RORA: variants seen among roughly 807,000 people sequenced by gnomAD.
The protein encoded by RORA is RAR related orphan receptor A.
In RORA, 7 loss-of-function variants were observed where a neutral mutation model predicts 69.5. That is an observed-to-expected ratio of 0.10 (90% confidence interval 0.06 to 0.19). The LOEUF (loss-of-function observed/expected upper bound fraction) is 0.19, where lower values mean the gene tolerates loss of function less well. Among genes scored for constraint, RORA ranks in the 10% least tolerant of loss-of-function variants. The pLI, the probability that RORA is intolerant of heterozygous loss-of-function variation, is 1.00. For missense variants in RORA, 457 were observed against 663.0 expected (o/e 0.69, Z 3.41); for synonymous variants, 261 against 240.8 (o/e 1.08, Z -0.78).
At chr15:60,804,600 GTT>G (rs1595728064) in intron 1 of RORA, among the ~76,000 whole-genome samples, 2 of 152,160 alleles carry the variant, frequency 1.3e-5, no homozygotes, top group African/African-American at 4.8e-5. Flanking sequence ...GGCTAAGTGA[GTT>G]TGATTGCTTA....
Position 61,003,626 on chromosome 15 carries a change from G to T in RORA, c.166+225427C>A, listed in dbSNP as rs16943486. On this transcript the variant is annotated intron_variant, in intron 1 of 10. Transcript: ENST00000335670. ...CATGTGGGTTTGTGTGTCTAAGTGAGGCCTGTGAATATTTATTTAACCAAG... is the reference window on the plus strand; with the variant it reads ...CATGTGGGTTTGTGTGTCTAAGTGATGCCTGTGAATATTTATTTAACCAAG... Among the ~76,000 whole-genome samples the T allele has an allele frequency of 9.3e-3, 1,419 of 152,238 alleles. 19 individuals are homozygous for T. The highest frequency in any genetic ancestry group is 0.032 in the African/African-American group (1,322 of 41,516).
chr15:60,823,054 C>T (rs112639099), intron 1 of RORA, among the ~76,000 whole-genome samples: 206 of 144,270 alleles, frequency 1.4e-3, no homozygotes, highest in African/African-American at 5.2e-3. Flanking sequence ...TTCTCTCTCC[C>T]TCCCCTCCCC....
chr15:60,853,028 A>G (rs1190743838), intron 1 of RORA, among the ~76,000 whole-genome samples: 1 of 151,972 alleles, frequency 6.6e-6, no homozygotes, highest in Non-Finnish European at 1.5e-5. Flanking sequence ...ATTAGTAATG[A>G]CCCCCAGCTT....
rs569438613 is a variant in RORA at position 61,185,330 on chromosome 15, C to A, written c.166+43723G>T. Among the ~76,000 whole-genome samples the A allele has an allele frequency of 1.5e-3, 227 of 151,790 alleles. 3 individuals are homozygous for A. In the South Asian group the frequency reaches 0.045, roughly 30 times the overall value. On this transcript the variant is annotated intron_variant, in intron 1 of 10. Coordinates refer to ENST00000335670, the MANE Select transcript of RORA (RefSeq NM_134261.3). ...CCCATCTTTTTTTTTTTCCTATGAG[C>A]ATTAATGTTCAATAAGAGGACAAGA... is the stretch of plus-strand genomic sequence containing the variant.
chr15:60,946,469 T>C (rs1892879188), intron 1 of RORA, among the ~76,000 whole-genome samples: 1 of 152,206 alleles, frequency 6.6e-6, no homozygotes, highest in Admixed American at 6.5e-5. Context: ...GGGGTTTCGC[T>C]TTGTTGGCCG....
intron 1 of RORA, among the ~76,000 whole-genome samples, chr15:61,112,638 C>G (rs1011847276): frequency 6.6e-6 from 1 of 152,194 alleles, no homozygotes; most frequent in East Asian, 1.9e-4. Flanking sequence ...TAGCAGCTAA[C>G]ATTTATTGAA....
chr15:61,132,331 C>T (rs2079197322), intron 1 of RORA, among the ~76,000 whole-genome samples: 1 of 152,012 alleles, frequency 6.6e-6, no homozygotes, highest in Non-Finnish European at 1.5e-5. Context: ...CCATGACCTC[C>T]ATCAAGACAA....
chr15:60,676,170 T>C (rs960722188), intron 2 of RORA, among the ~76,000 whole-genome samples: 3 of 152,134 alleles, frequency 2.0e-5, no homozygotes, highest in Non-Finnish European at 4.4e-5. Context: ...ATCCAACAAA[T>C]GCTAAAGAAG....
chr15:60,797,987 G>A (rs2072521882), intron 1 of RORA, among the ~76,000 whole-genome samples: 2 of 152,086 alleles, frequency 1.3e-5, no homozygotes, highest in African/African-American at 4.8e-5. Flanking sequence ...ATCATCACTG[G>A]CCTACAGCTA....
intron 1 of RORA, among the ~76,000 whole-genome samples, chr15:61,204,860 T>C (rs547945462): frequency 1.3e-5 from 2 of 152,330 alleles, no homozygotes; most frequent in African/African-American, 4.8e-5. Context: ...ATCCAAATCC[T>C]GCAGTGGGTG....
In RORA at chr15:60,493,345, T is replaced by C. The variant is rs939167780; in HGVS notation, c.*4110A>G. 2.0e-5 allele frequency: 3 copies of C among 151,988 alleles called. No homozygotes were observed. Among genetic ancestry groups the C allele is most frequent in the East Asian group, 3.9e-4 (2 of 5,194 alleles). The allele number at this position is 151,988 out of a possible 1,614,324, so 9.4% of individuals were successfully genotyped here. A position where few individuals can be genotyped will look rare whatever the true frequency, so the allele number is the denominator to read the frequency against. The stretch of plus-strand genomic sequence containing the variant: ...AAAACCCCAAAAAACTGTACAAATA[T>C]GTATTTTTCCCTGAGGGATCAAGGT... On this transcript the variant is annotated 3_prime_UTR_variant, in exon 11 of 11. Transcript: ENST00000335670.
intron 1 of RORA, among the ~76,000 whole-genome samples, chr15:61,141,206 G>C (rs1007654702): frequency 6.6e-5 from 10 of 152,076 alleles, no homozygotes; most frequent in Non-Finnish European, 1.2e-4. Context: ...TTGACTTCTG[G>C]GGTTAATGCA....
intron 1 of RORA, among the ~76,000 whole-genome samples, chr15:61,028,551 C>A (rs990104187): frequency 3.3e-5 from 5 of 152,148 alleles, no homozygotes; most frequent in African/African-American, 1.2e-4. Context: ...TTAGAAAAGA[C>A]CAGCATTAAA....
chr15:61,227,210 C>CAAAA lies in RORA; in HGVS notation c.166+1839_166+1842dup, dbSNP rs35827262. On this transcript the variant is annotated intron_variant, in intron 1 of 10. Transcript: ENST00000335670. ...CCTAAATACTATGTCCCCCCCATTC[C>CAAAA]AAAAAAAAAAAAAAAGCCCCAGAAA... Among the ~76,000 whole-genome samples, 1,047 of 123,896 alleles carry CAAAA rather than the reference C, an allele frequency of 8.5e-3. 11 individuals carry two copies. The highest frequency in any genetic ancestry group is 0.015 in the African/African-American group (467 of 31,028). The allele number at this position is 123,896 out of a possible 152,430, so 81.3% of individuals were successfully genotyped here.
At chr15:60,710,712 A>G (rs1241201546) in intron 1 of RORA, among the ~76,000 whole-genome samples, 4 of 152,074 alleles carry the variant, frequency 2.6e-5, no homozygotes, top group African/African-American at 4.8e-5. Flanking sequence ...CTGCAACCCA[A>G]TTTCCTTCCT....
At chr15:60,561,227 G>A (rs1278252859) in intron 2 of RORA, among the ~76,000 whole-genome samples, 3 of 151,408 alleles carry the variant, frequency 2.0e-5, no homozygotes, top group East Asian at 1.9e-4. Context: ...GACTACAGGC[G>A]CCCGCTACCA....
At chr15:61,141,116 C>G (rs1188439905) in intron 1 of RORA, among the ~76,000 whole-genome samples, 1 of 152,116 alleles carries the variant, frequency 6.6e-6, no homozygotes, top group Non-Finnish European at 1.5e-5. Flanking sequence ...AAAAACTGAT[C>G]AAGGAGTTCT....
Position 60,597,629 on chromosome 15 carries a change from TATAC to T in RORA, c.197-65782_197-65779del, listed in dbSNP as rs1567115680. Among the ~76,000 whole-genome samples the T allele has an allele frequency of 6.2e-3, 309 of 49,908 alleles. 1 individual carries two copies. The highest frequency in any genetic ancestry group is 0.012 in the African/African-American group (124 of 10,718). 32.7% of individuals were successfully genotyped at this position (49,908 alleles called of 152,430 possible). ...ATATATATATATATACATACATATA[TATAC>T]ATATATATATATATATGTAAGCAAA... On this transcript the variant is annotated intron_variant, in intron 2 of 10. Coordinates refer to ENST00000335670, the MANE Select transcript of RORA (RefSeq NM_134261.3).
intron 1 of RORA, among the ~76,000 whole-genome samples, chr15:61,105,128 T>C (rs1368348658): frequency 6.6e-6 from 1 of 151,912 alleles, no homozygotes; most frequent in South Asian, 2.1e-4. Flanking sequence ...CCCTTACTCA[T>C]CTCTTGGGAT....
Sources: allele counts gnomAD v4.1 joint callset (sites outside exome capture counted in the v4.1 genomes callset), GRCh38; gene constraint gnomAD v4.1.1; transcripts MANE v1.5; gene names NCBI Gene and HGNC (gene_info 2026-07-23, HGNC 2026-07-21).